Variants in NUP205 observed in about 807,000 individuals in gnomAD.
NUP205 encodes the protein nuclear pore complex protein Nup205.
In NUP205, 76 loss-of-function variants were observed where a neutral mutation model predicts 253.8. The ratio of observed to expected loss-of-function variants is 0.30; its 90% confidence interval spans 0.25 to 0.36. NUP205 has a LOEUF of 0.36. Ranked by LOEUF, NUP205 falls within the 10% of genes least tolerant of loss-of-function variation. The pLI is 1.00. For missense variants in NUP205, 2,162 were observed against 2,425.5 expected, an observed-to-expected ratio of 0.89 and a Z score of 2.28; for synonymous variants, 832 against 850.1, an observed-to-expected ratio of 0.98 and a Z score of 0.37.
At chr7:135,623,342 T>A (rs1191315228) in intron 31 of NUP205, among the ~76,000 whole-genome samples, 2 of 152,240 alleles carry the variant, frequency 1.3e-5, no homozygotes, top group Non-Finnish European at 2.9e-5. Context: ...ATATTAAGAA[T>A]CATTTTTTAT....
At chr7:135,617,298 T>C in intron 26 of NUP205, 51 bp downstream of exon 26, 1 of 1,522,182 alleles carries the variant, frequency 6.6e-7, no homozygotes, top group African/African-American at 1.4e-5. Context: ...GCTCAGACTT[T>C]AAGTCATCAG....
chr7:135,635,363 G>A, intron 35 of NUP205: 1 of 339,572 alleles, frequency 2.9e-6, no homozygotes, highest in South Asian at 1.5e-4. Context: ...ATTTCACTCT[G>A]CATTTTAGAT....
chr7:135,624,286 C>T lies in NUP205; in HGVS notation c.4480-878C>T, dbSNP rs560556590. Among the ~76,000 whole-genome samples, 3 of 152,254 alleles carry T rather than the reference C, an allele frequency of 2.0e-5. No homozygotes were observed. In the South Asian group the frequency reaches 6.2e-4, roughly 32 times the overall value. On this transcript the variant is annotated intron_variant, in intron 31 of 42. Transcript: ENST00000285968. ...GCATGATCTCGGCTCACTGCAACCT[C>T]TGCCTCCCAGGTTCAAGCAATTCTC...
intron 30 of NUP205, among the ~76,000 whole-genome samples, chr7:135,621,536 GT>G (rs1794469845): frequency 6.6e-6 from 1 of 152,144 alleles, no homozygotes. Context: ...AATGAGATTA[GT>G]TTCCAATACA....
In NUP205 at chr7:135,619,786, C is replaced by G. The variant is rs768563283; in HGVS notation, c.4232-4C>G. 4 of 1,609,048 alleles carry G rather than the reference C, an allele frequency of 2.5e-6. No individual in the cohort carries two copies. The highest frequency in any genetic ancestry group is 2.5e-6 in the Non-Finnish European group (3 of 1,177,324). On this transcript the variant is annotated splice_region_variant and splice_polypyrimidine_tract_variant and intron_variant, in intron 29 of 42. Transcript: ENST00000285968. ...TTCATTTGACATCTTCCTAATCTCC[C>G]TAGGTGGTGGATTCCAACGAGTGAG... is the stretch of plus-strand genomic sequence containing the variant.
chr7:135,585,659 C>T (rs1806440814), intron 8 of NUP205, among the ~76,000 whole-genome samples: 1 of 151,576 alleles, frequency 6.6e-6, no homozygotes, highest in Non-Finnish European at 1.5e-5. Context: ...GTAAGTGATT[C>T]TCCTGCCACA....
chr7:135,587,000 T>C (rs1806481535), intron 8 of NUP205, among the ~76,000 whole-genome samples: 2 of 152,310 alleles, frequency 1.3e-5, no homozygotes, highest in Admixed American at 1.3e-4. Flanking sequence ...TTCCATTGAA[T>C]ATTGAGAGAG....
At position 135,644,915 on chromosome 7, in the gene NUP205, T is replaced by C. The variant is rs2129492678; in HGVS notation, c.5580T>C (p.Pro1860=). 1 of 1,614,116 alleles carries C rather than the reference T, an allele frequency of 6.2e-7. No homozygotes were observed. The highest frequency in any genetic ancestry group is 8.5e-7 in the Non-Finnish European group (1 of 1,179,954). The change falls in exon 40 of 43, where the codon CCT becomes CCC. Residue 1860 remains proline (P), a synonymous_variant. Transcript: ENST00000285968. ...EIKELCQSVM[P]AGVDKISTAQ... Reference sequence around the variant, plus strand: ...TCTAGTTGTGTCAGTCTGTGATGCCTGCTGGTGTTGATAAAATCTCCACTG... The same window carrying C: ...TCTAGTTGTGTCAGTCTGTGATGCCCGCTGGTGTTGATAAAATCTCCACTG...
In NUP205 at chr7:135,637,956, G is replaced by A. The variant is rs754766090; in HGVS notation, c.5162G>A (p.Arg1721His). Residue 1721 changes from arginine (R) to histidine (H), a missense_variant, in exon 37 of 43, where the codon CGC (arginine) becomes CAC (histidine). Arg to His is a conservative substitution (Grantham distance 29). Around this residue, in one of 5 missense-constraint regions of NUP205, gnomAD observed 1,144 missense variants for 1,280.9 expected, o/e 0.89. Transcript: ENST00000285968. The stretch of plus-strand genomic sequence containing the variant: ...CGCCAGTGCTTAGGACTACTAAGTC[G>A]CTTTGGTGGCTCTGACAGACTGCGT... The part of the protein sequence containing the change: ...FQRQCLGLLS[R>H]FGGSDRLRQF... The A allele has an allele frequency of 7.4e-6, 12 of 1,613,738 alleles. No individual in the cohort carries two copies. The highest frequency in any genetic ancestry group is 4.0e-5 in the African/African-American group (3 of 74,902).
intron 23 of NUP205, among the ~76,000 whole-genome samples, chr7:135,614,840 A>G (rs185178276): frequency 6.6e-6 from 1 of 152,292 alleles, no homozygotes; most frequent in East Asian, 1.9e-4. Context: ...CTATATTCAG[A>G]CAGTCTTAGT....
At position 135,584,965 on chromosome 7, in the gene NUP205, C is replaced by A. The variant is rs1184154520; in HGVS notation, c.1176C>A (p.Val392=). 1 of 1,613,538 alleles carries A rather than the reference C, an allele frequency of 6.2e-7. No homozygotes were observed. The highest frequency in any genetic ancestry group is 1.7e-5 in the Admixed American group (1 of 60,018). ...AGGAAGAATTTTATATTCGCAGAGTCCATAATCTCATCACAGATTTCCTTG... is the reference window on the plus strand; with the variant it reads ...AGGAAGAATTTTATATTCGCAGAGTACATAATCTCATCACAGATTTCCTTG... ...FYQEEFYIRR[V]HNLITDFLAL... is the part of the protein sequence containing the mutation. Residue 392 remains valine (V), a synonymous_variant, in exon 8 of 43, where the codon GTC becomes GTA. Coordinates refer to ENST00000285968, the MANE Select transcript of NUP205 (RefSeq NM_015135.3).
At position 135,606,804 on chromosome 7, in the gene NUP205, A is replaced by G. The variant is rs1424864729; in HGVS notation, c.2959A>G (p.Ile987Val). ...VAIRHETRIH[I>V]LNLLITSLEC... Reference sequence around the variant, plus strand: ...AATTCGTCATGAAACAAGAATCCACATCTTGAATCTTCTCATTACCTCTCT... The same window carrying G: ...AATTCGTCATGAAACAAGAATCCACGTCTTGAATCTTCTCATTACCTCTCT... The change falls in exon 21 of 43, where the codon ATC becomes GTC. Residue 987 changes from isoleucine (I) to valine (V), a missense_variant. By Grantham distance (29) the Ile-to-Val change is conservative (BLOSUM62 3). Transcript: ENST00000285968. The G allele has an allele frequency of 1.2e-6, 2 of 1,613,826 alleles. No individual in the cohort carries two copies. The highest frequency in any genetic ancestry group is 1.1e-5 in the South Asian group (1 of 91,074).
rs750201882 is a variant in NUP205, at chr7:135,619,556, A to G, written c.4097A>G (p.His1366Arg). Residue 1366 changes from histidine (H) to arginine (R), a missense_variant, in exon 29 of 43, where the codon CAT becomes CGT. Coordinates refer to ENST00000285968, the MANE Select transcript of NUP205 (RefSeq NM_015135.3). The stretch of plus-strand genomic sequence containing the variant: ...TCAGTCTTGGGACCAGCAGAGGCCC[A>G]TTACGCTTTTATGCTTGATAGTTGC... ...ETSVLGPAEA[H>R]YAFMLDSCFT... The G allele has an allele frequency of 3.7e-6, 6 of 1,614,126 alleles. No individual in the cohort carries two copies. Among genetic ancestry groups the G allele is most frequent in the Admixed American group, 1.7e-5 (1 of 60,024 alleles).
chr7:135,645,841 G>C (rs1309842950), intron 41 of NUP205: 1 of 575,190 alleles, frequency 1.7e-6, no homozygotes, highest in African/African-American at 1.9e-5. Context: ...CTGCAGTTAG[G>C]GGGCTGATCC....
chr7:135,580,329 C>T (rs5026352), intron 7 of NUP205, among the ~76,000 whole-genome samples: 45,933 of 152,008 alleles, frequency 0.3, 7,168 homozygotes, highest in Middle Eastern at 0.47. Context: ...ATGCTGATAG[C>T]GAATTAGACT....
intron 2 of NUP205, among the ~76,000 whole-genome samples, chr7:135,572,656 T>G (rs1806030207): frequency 6.6e-6 from 1 of 152,188 alleles, no homozygotes; most frequent in Non-Finnish European, 1.5e-5. Flanking sequence ...CCCTCCCGTG[T>G]TCAAGCAATC....
rs28599800 is a variant in NUP205 at position 135,617,927 on chromosome 7, T to G, written c.3771+245T>G. Among the ~76,000 whole-genome samples, 59,702 of 150,818 alleles carry G rather than the reference T, an allele frequency of 0.4. 12,575 individuals are homozygous for G. The highest frequency in any genetic ancestry group is 0.57 in the Middle Eastern group (169 of 294). ...TTTGCAACCTGACCATATTTCGTAT[T>G]AGACTTCACTTGGTCCCCATCAGTG... On this transcript the variant is annotated intron_variant, in intron 27 of 42. Coordinates refer to ENST00000285968, the MANE Select transcript of NUP205 (RefSeq NM_015135.3).
chr7:135,591,554 T>G lies in NUP205; in HGVS notation c.1578T>G (p.Cys526Trp), dbSNP rs1265135445. The G allele has an allele frequency of 6.2e-7, 1 of 1,613,788 alleles. No individual in the cohort carries two copies. The highest frequency in any genetic ancestry group is 8.5e-7 in the Non-Finnish European group (1 of 1,179,820). Residue 526 changes from cysteine (C) to tryptophan (W), a missense_variant, in exon 11 of 43, where the codon TGT becomes TGG. This residue lies in a region of NUP205 where 892 missense variants were observed against 957.1 expected (regional missense o/e 0.93). Coordinates refer to ENST00000285968, the MANE Select transcript of NUP205 (RefSeq NM_015135.3). Reference sequence around the variant, plus strand: ...AGGGATTGGCCAATGGGCCTCAGTGTGCCCACTACTGTTTCAGCCTGCTCA... The same window carrying G: ...AGGGATTGGCCAATGGGCCTCAGTGGGCCCACTACTGTTTCAGCCTGCTCA... ...MLQGLANGPQ[C>W]AHYCFSLLKV...
chr7:135,558,108 G>T (rs544327810), intron 1 of NUP205, 136 bp downstream of exon 1: 97 of 762,720 alleles, frequency 1.3e-4, no homozygotes, highest in South Asian at 5.5e-4. Flanking sequence ...TCTGGGCCTA[G>T]AGTCCCACCC....
Sources: allele counts gnomAD v4.1 joint callset (sites outside exome capture counted in the v4.1 genomes callset), GRCh38; gene constraint gnomAD v4.1.1; regional missense constraint gnomAD v4.1.1; transcripts MANE v1.5; gene names NCBI Gene and HGNC (gene_info 2026-07-23, HGNC 2026-07-21).